Variants in DPYSL2 observed in about 807,000 individuals in gnomAD.
The protein encoded by DPYSL2 is dihydropyrimidinase like 2.
A neutral mutation model predicts 69.9 loss-of-function variants in DPYSL2; 13 were observed. The observed-to-expected ratio is 0.19, with a 90% CI of 0.12 to 0.30. DPYSL2 has a LOEUF of 0.30. Among genes scored for constraint, DPYSL2 ranks in the 10% least tolerant of loss-of-function variants. The pLI is 1.00. For missense variants in DPYSL2, 587 were observed against 918.9 expected (o/e 0.64, Z 4.67); for synonymous variants, 326 against 359.1 (o/e 0.91, Z 1.04).
At chr8:26,577,994 TC>T (rs869185118) in intron 1 of DPYSL2, 3 of 40,874 alleles carry the variant, frequency 7.3e-5, no homozygotes, top group Non-Finnish European at 1.1e-4. Flanking sequence ...TCTCTCTCCT[TC>T]TCTCTCTCTC....
intron 1 of DPYSL2, chr8:26,577,747 C>A (rs1242898395): frequency 2.1e-6 from 2 of 952,218 alleles, no homozygotes; most frequent in Non-Finnish European, 2.5e-6. Context: ...GGCGCTCGCG[C>A]CGCCTGCCGC....
At position 26,610,100 on chromosome 8, in the gene DPYSL2, T is replaced by C. The variant is rs1802193693; in HGVS notation, c.629-14043T>C. On this transcript the variant is annotated intron_variant, in intron 3 of 13. Transcript: ENST00000521913. The surrounding 1 kb of genome is among the most constrained non-coding windows in gnomAD (Gnocchi z 4.5). ...GGTTTTGGAAGAAGAGTTTCAGTTT[T>C]TCAAAGCCTGCTGGAGATGTAACTG... Among the ~76,000 whole-genome samples the C allele has an allele frequency of 6.6e-6, 1 of 152,242 alleles. No individual in the cohort carries two copies. The highest frequency in any genetic ancestry group is 1.5e-5 in the Non-Finnish European group (1 of 68,034).
At chr8:26,604,597 G>A (rs2129827084) in intron 3 of DPYSL2, among the ~76,000 whole-genome samples, 1 of 152,250 alleles carries the variant, frequency 6.6e-6, no homozygotes, top group South Asian at 2.1e-4. Flanking sequence ...TTTGCTGCAG[G>A]GCCGATGAAA....
In DPYSL2 at chr8:26,626,756, C is replaced by A; in HGVS notation, c.855+78C>A. On this transcript the variant is annotated intron_variant, in intron 5 of 13. Coordinates refer to ENST00000521913, the MANE Select transcript of DPYSL2 (RefSeq NM_001197293.3). The surrounding 1 kb of genome is among the most constrained non-coding windows in gnomAD (Gnocchi z 4.3). Reference sequence around the variant, plus strand: ...CTGTGGCCGTTTGGGAAAGCAGTCTCCGATGTATGCATGTTTCCTAGCTTC... The same window carrying A: ...CTGTGGCCGTTTGGGAAAGCAGTCTACGATGTATGCATGTTTCCTAGCTTC... The A allele has an allele frequency of 7.0e-7, 1 of 1,423,988 alleles. No individual in the cohort carries two copies. The highest frequency in any genetic ancestry group is 9.9e-7 in the Non-Finnish European group (1 of 1,014,970). The allele number at this position is 1,423,988 out of a possible 1,614,324, so 88.2% of individuals were successfully genotyped here. A position where few individuals can be genotyped will look rare whatever the true frequency, so the allele number is the denominator to read the frequency against.
intron 1 of DPYSL2, among the ~76,000 whole-genome samples, chr8:26,543,738 C>T (rs1262831367): frequency 2.0e-5 from 3 of 152,218 alleles, no homozygotes; most frequent in Non-Finnish European, 2.9e-5. Context: ...CTGCCCACCT[C>T]GGCCTCCCAA....
intron 1 of DPYSL2, among the ~76,000 whole-genome samples, chr8:26,523,103 A>T (rs1259628023): frequency 6.6e-6 from 1 of 151,816 alleles, no homozygotes; most frequent in African/African-American, 2.4e-5. Context: ...TCATATGTAA[A>T]AAACTCCTTC....
In DPYSL2 at chr8:26,657,776, A is replaced by C. The variant is rs1803426564; in HGVS notation, c.*2070A>C. On this transcript the variant is annotated 3_prime_UTR_variant, in exon 14 of 14. Transcript: ENST00000521913. ...TGGTTGTTTTGGTTGTTTTCTTAAA[A>C]AACAAGTTAAAACCTGACGATTTCT... The C allele has an allele frequency of 6.6e-6, 1 of 152,644 alleles. No homozygotes were observed. Among genetic ancestry groups the C allele is most frequent in the Admixed American group, 6.5e-5 (1 of 15,278 alleles). The allele number at this position is 152,644 out of a possible 1,614,324, so 9.5% of individuals were successfully genotyped here.
intron 3 of DPYSL2, among the ~76,000 whole-genome samples, chr8:26,600,875 T>A (rs767773888): frequency 8.5e-5 from 13 of 152,200 alleles, no homozygotes; most frequent in Non-Finnish European, 1.5e-4. Context: ...CCTGTTTTGC[T>A]CCCTTTTGTG....
chr8:26,521,849 A>G (rs967577349), intron 1 of DPYSL2, among the ~76,000 whole-genome samples: 4 of 152,180 alleles, frequency 2.6e-5, no homozygotes, highest in South Asian at 4.1e-4. Context: ...TGTAACATGT[A>G]TGAGTGCTTC....
intron 1 of DPYSL2, among the ~76,000 whole-genome samples, chr8:26,524,385 A>G (rs1303066802): frequency 6.6e-6 from 1 of 152,246 alleles, no homozygotes; most frequent in Admixed American, 6.5e-5. Flanking sequence ...TGTTTATTGT[A>G]GATGACATTG....
chr8:26,646,573 C>G (rs1474184589), intron 10 of DPYSL2, among the ~76,000 whole-genome samples: 1 of 152,174 alleles, frequency 6.6e-6, no homozygotes, highest in East Asian at 1.9e-4. Context: ...TTAATACCAG[C>G]TTATTTCCTT....
rs563816757 is a variant in DPYSL2, at chr8:26,624,685, C to G, written c.793+378C>G. ...AATACATATCTCAGTGAGGATTTGA[C>G]AGTCTCAGGAGAGTGTTGGGCAGCC... On this transcript the variant is annotated intron_variant, in intron 4 of 13. Transcript: ENST00000521913. The surrounding 1 kb of genome is among the most constrained non-coding windows in gnomAD (Gnocchi z 4.7). Among the ~76,000 whole-genome samples, 107 of 152,300 alleles carry G rather than the reference C, an allele frequency of 7.0e-4. No homozygotes were observed. The highest frequency in any genetic ancestry group is 2.5e-3 in the African/African-American group (104 of 41,574).
intron 1 of DPYSL2, among the ~76,000 whole-genome samples, chr8:26,570,853 G>A (rs567671671): frequency 8.6e-5 from 13 of 151,640 alleles, no homozygotes; most frequent in East Asian, 1.9e-4. Flanking sequence ...TTCTCTCCTC[G>A]TCTATAAAAT....
In DPYSL2 at chr8:26,598,712, C is replaced by T. The variant is rs992748357; in HGVS notation, c.628+14729C>T. ...CAGGTTGAAGCTTCAACACCAAAAT[C>T]TCTCTGTTCCTTGTGGGTGGATGGG... On this transcript the variant is annotated intron_variant, in intron 3 of 13. Transcript: ENST00000521913. This position sits in a 1 kb window ranked among gnomAD's most constrained non-coding sequence, Gnocchi z 4.2. Among the ~76,000 whole-genome samples, 2 of 152,142 alleles carry T rather than the reference C, an allele frequency of 1.3e-5. No individual in the cohort carries two copies. The highest frequency in any genetic ancestry group is 2.4e-5 in the African/African-American group (1 of 41,424).
intron 1 of DPYSL2, among the ~76,000 whole-genome samples, chr8:26,555,092 AGT>A (rs1441033977): frequency 6.6e-6 from 1 of 152,176 alleles, no homozygotes; most frequent in Admixed American, 6.5e-5. Context: ...TAGAAAGCTA[AGT>A]ATATAGGGAA....
intron 1 of DPYSL2, among the ~76,000 whole-genome samples, chr8:26,537,611 T>TCTACAC (rs141281802): frequency 6.8e-6 from 1 of 147,654 alleles, no homozygotes; most frequent in African/African-American, 2.5e-5. Flanking sequence ...ATTCTCTCTC[T>TCTACAC]ACACACACAC....
rs914990731 is a variant in DPYSL2 at position 26,614,343 on chromosome 8, C to T, written c.629-9800C>T. ...GCAGTGGGCCAAGAGGGAATGGGAG[C>T]GAGAAGGTGGGGCGTCAGCAACATT... is the stretch of plus-strand genomic sequence containing the variant. On this transcript the variant is annotated intron_variant, in intron 3 of 13. Coordinates refer to ENST00000521913, the MANE Select transcript of DPYSL2 (RefSeq NM_001197293.3). The surrounding 1 kb of genome is among the most constrained non-coding windows in gnomAD (Gnocchi z 4.9). Among the ~76,000 whole-genome samples the T allele has an allele frequency of 3.3e-5, 5 of 151,800 alleles. No individual in the cohort carries two copies. Among genetic ancestry groups the T allele is most frequent in the African/African-American group, 7.3e-5 (3 of 41,364 alleles).
chr8:26,528,901 G>A (rs924663531), intron 1 of DPYSL2, among the ~76,000 whole-genome samples: 16 of 152,122 alleles, frequency 1.1e-4, no homozygotes, highest in Non-Finnish European at 1.9e-4. Context: ...GGAGCATAGT[G>A]GCTGTCCCTA....
rs142732614 is a variant in DPYSL2 at position 26,629,103 on chromosome 8, C to T, written c.1005+1163C>T. On this transcript the variant is annotated intron_variant, in intron 7 of 13. Coordinates refer to ENST00000521913, the MANE Select transcript of DPYSL2 (RefSeq NM_001197293.3). ...GGCAGAAAGACGAGAGTGGGAGCCA[C>T]TCGGAATGCTTTGCACACAGTCAGG... is the stretch of plus-strand genomic sequence containing the variant. 1.2e-3 allele frequency among the ~76,000 whole-genome samples: 183 copies of T among 152,302 alleles called. 1 individual carries two copies. The highest frequency in any genetic ancestry group is 4.1e-3 in the African/African-American group (170 of 41,560).
Sources: gnomAD v4.1 joint callset for allele counts (sites outside exome capture counted in the v4.1 genomes callset) on GRCh38, gnomAD v4.1.1 for gene constraint, Gnocchi (gnomAD v3.1) non-coding constraint, MANE v1.5 for transcripts, NCBI Gene and HGNC (gene_info 2026-07-23, HGNC 2026-07-21) for gene names.